VPS13D: variants seen among roughly 807,000 people sequenced by gnomAD.
The protein encoded by VPS13D is vacuolar protein sorting 13 homolog D.
A neutral mutation model predicts 461.9 loss-of-function variants in VPS13D; 187 were observed. The observed-to-expected ratio is 0.40, with a 90% CI of 0.36 to 0.46. The LOEUF is 0.46. Among genes scored for constraint, VPS13D ranks in the 20% least tolerant of loss-of-function variants. The pLI is 0.60. For missense variants in VPS13D, 4,711 were observed against 5,364.9 expected (o/e 0.88, Z 3.81); for synonymous variants, 1,951 against 1,986.3 (o/e 0.98, Z 0.47).
chr1:12,274,585 T>G (rs1208358845), intron 18 of VPS13D, among the ~76,000 whole-genome samples: 2 of 152,206 alleles, frequency 1.3e-5, no homozygotes, highest in African/African-American at 4.8e-5. Flanking sequence ...GTGCTGGGAT[T>G]GCAGGTGTGA....
chr1:12,252,772 C>CA (rs1194843615), intron 6 of VPS13D, among the ~76,000 whole-genome samples: 3,108 of 68,018 alleles, frequency 0.046, 73 homozygotes, highest in African/African-American at 0.12. Flanking sequence ...ATTCTGTCTC[C>CA]AAAAAAAAAA....
At chr1:12,404,090 C>G (rs1396885420) in intron 63 of VPS13D, 117 bp downstream of exon 63, 1 of 657,058 alleles carries the variant, frequency 1.5e-6, no homozygotes, top group African/African-American at 2.0e-5. Context: ...TGTCCCTCAT[C>G]ATCATTCATA....
rs796484770 is a variant in VPS13D at position 12,378,657 on chromosome 1, C to T, written c.11081+66C>T. 1.0e-5 allele frequency: 14 copies of T among 1,406,114 alleles called. No homozygotes were observed. The African/African-American group carries it at 1.6e-4, about 16-fold the overall frequency. The allele number at this position is 1,406,114 out of a possible 1,614,324, so 87.1% of individuals were successfully genotyped here. On this transcript the variant is annotated intron_variant, in intron 56 of 69. Coordinates refer to ENST00000620676, the MANE Select transcript of VPS13D (RefSeq NM_015378.4). ...CAAATTCAGACTCAGAGGAAATCTA[C>T]AACAAAAACTAAGAGTTCTATAAAT...
At chr1:12,352,965 CAAAAAAA>C (rs61588046) in intron 46 of VPS13D, among the ~76,000 whole-genome samples, 378 of 17,524 alleles carry the variant, frequency 0.022, 1 homozygote, top group African/African-American at 0.071. Context: ...AACTCAGTCT[CAAAAAAA>C]AAAAAAAAAA....
chr1:12,251,954 C>G (rs1640746763), intron 6 of VPS13D, among the ~76,000 whole-genome samples: 1 of 152,110 alleles, frequency 6.6e-6, no homozygotes, highest in Non-Finnish European at 1.5e-5. Flanking sequence ...CTTCTGGAGG[C>G]TCTGAGGGAG....
intron 30 of VPS13D, among the ~76,000 whole-genome samples, 199 bp from the exon 31 acceptor site, chr1:12,317,870 CTTA>C (rs1220452851): frequency 6.6e-6 from 1 of 152,242 alleles, no homozygotes. Context: ...ATATGATTAA[CTTA>C]TTATACTGAA....
At chr1:12,267,098 A>G in intron 14 of VPS13D, 87 bp downstream of exon 14, 1 of 1,349,578 alleles carries the variant, frequency 7.4e-7, no homozygotes, top group Non-Finnish European at 9.8e-7. Context: ...ATTCATTCTG[A>G]CATTTGATCA....
intron 40 of VPS13D, among the ~76,000 whole-genome samples, chr1:12,338,736 G>A (rs769940199): frequency 2.6e-5 from 4 of 151,894 alleles, no homozygotes; most frequent in East Asian, 3.9e-4. Flanking sequence ...TAGGGATAGC[G>A]GAAAAAAAAT....
intron 44 of VPS13D, 106 bp from the exon 45 acceptor site, chr1:12,348,717 A>G (rs1294557708): frequency 4.4e-5 from 59 of 1,354,028 alleles, no homozygotes; most frequent in Non-Finnish European, 5.5e-5. Flanking sequence ...CTGAAGAACT[A>G]TAGTAGTAAT....
At chr1:12,404,065 G>T in intron 63 of VPS13D, 92 bp downstream of exon 63, 1 of 1,157,314 alleles carries the variant, frequency 8.6e-7, no homozygotes. Context: ...TTGTGTGTGT[G>T]TGTGCTTTTT....
At chr1:12,362,675 C>A (rs767608626) in intron 50 of VPS13D, 45 bp from the exon 51 acceptor site, 6 of 1,583,210 alleles carry the variant, frequency 3.8e-6, no homozygotes, top group Non-Finnish European at 5.1e-6. Flanking sequence ...CAAGAGTTTT[C>A]TCTCTTCATG....
Position 12,304,567 on chromosome 1 carries a change from G to A in VPS13D, c.6278G>A (p.Ser2093Asn), listed in dbSNP as rs1642510105. ...IPKHSLRKTT[S>N]TEEPRGTHSQ... ...AAACACAGTCTGAGGAAAACGACAA[G>A]CACGGAGGAGCCCAGGGGAACCCAT... is the stretch of plus-strand genomic sequence containing the variant. The change falls in exon 26 of 70, where the codon AGC becomes AAC. Residue 2093 changes from serine to asparagine, a missense_variant. Ser to Asn is a conservative substitution (Grantham distance 46). Around this residue, in one of 3 missense-constraint regions of VPS13D, gnomAD observed 4,411 missense variants for 4,937.8 expected, o/e 0.89. Transcript: ENST00000620676. 6.2e-6 allele frequency: 10 copies of A among 1,614,096 alleles called. No individual in the cohort carries two copies. Among genetic ancestry groups the A allele is most frequent in the Non-Finnish European group, 8.5e-6 (10 of 1,180,032 alleles).
chr1:12,438,473 T>C (rs2100331662), intron 65 of VPS13D, among the ~76,000 whole-genome samples: 1 of 152,340 alleles, frequency 6.6e-6, no homozygotes, highest in East Asian at 1.9e-4. Context: ...AACGGTATTT[T>C]GTTGTAGCAG....
rs773306147 is a variant in VPS13D, at chr1:12,260,944, A to G, written c.1213-4A>G. On this transcript the variant is annotated splice_region_variant and splice_polypyrimidine_tract_variant and intron_variant, in intron 11 of 69. Transcript: ENST00000620676. The stretch of plus-strand genomic sequence containing the variant: ...TCATCTCTGCTCCTTTGTGATTGAC[A>G]CAGAGTCTGCGGGAGCCTCAGTTTG... 1.2e-6 allele frequency: 2 copies of G among 1,614,048 alleles called. No individual in the cohort carries two copies. The highest frequency in any genetic ancestry group is 2.2e-5 in the East Asian group (1 of 44,892).
intron 65 of VPS13D, among the ~76,000 whole-genome samples, chr1:12,437,554 A>C (rs927959320): frequency 4.6e-5 from 7 of 152,196 alleles, no homozygotes; most frequent in African/African-American, 1.7e-4. Context: ...TTGAGAGGGA[A>C]GAGCACATTA....
At chr1:12,450,491 T>C (rs950567714) in intron 65 of VPS13D, among the ~76,000 whole-genome samples, 3 of 152,176 alleles carry the variant, frequency 2.0e-5, no homozygotes, top group African/African-American at 7.2e-5. Flanking sequence ...GACGATGACG[T>C]AAAAGCTATA....
At chr1:12,311,421 G>A (rs760476257) in intron 27 of VPS13D, 33 bp from the exon 28 acceptor site, 1 of 1,579,400 alleles carries the variant, frequency 6.3e-7, no homozygotes, top group South Asian at 1.2e-5. Flanking sequence ...TTAGTGACTT[G>A]TCTGTGTAAG....
intron 67 of VPS13D, among the ~76,000 whole-genome samples, chr1:12,492,270 T>C (rs1317113968): frequency 1.3e-5 from 2 of 152,214 alleles, no homozygotes; most frequent in African/African-American, 2.4e-5. Context: ...TATGTATTTA[T>C]TGGGTACCAC....
Position 12,308,745 on chromosome 1 carries a change from G to T in VPS13D, c.6650+104G>T, listed in dbSNP as rs370986260. The T allele has an allele frequency of 5.9e-5, 63 of 1,073,998 alleles. No individual in the cohort carries two copies. The East Asian group carries it at 6.4e-4, about 11-fold the overall frequency. 66.5% of individuals were successfully genotyped at this position (1,073,998 alleles called of 1,614,324 possible). ...GCTCACTGCAACCTCCACCTCTGAG[G>T]TTCAAGTGATTCTCCTCAGCCTCAG... On this transcript the variant is annotated intron_variant, in intron 27 of 69. Transcript: ENST00000620676.
Sources: allele counts gnomAD v4.1 joint callset (sites outside exome capture counted in the v4.1 genomes callset), GRCh38; gene constraint gnomAD v4.1.1; regional missense constraint gnomAD v4.1.1; transcripts MANE v1.5; gene names NCBI Gene and HGNC (gene_info 2026-07-23, HGNC 2026-07-21).